The following DYNC1H1 variants were observed in gnomAD, a reference collection of about 807,000 sequenced individuals.
DYNC1H1 encodes cytoplasmic dynein 1 heavy chain 1.
In DYNC1H1, 51 loss-of-function variants were observed where a neutral mutation model predicts 527.1. The observed-to-expected ratio is 0.10, with a 90% confidence interval of 0.08 to 0.12. The LOEUF (loss-of-function observed/expected upper bound fraction) is 0.12. Among genes scored for constraint, DYNC1H1 ranks in the 10% least tolerant of loss-of-function variants. DYNC1H1 has a pLI of 1.00. For missense variants in DYNC1H1, 2,771 were observed against 5,971.8 expected (o/e 0.46, Z 17.66); for synonymous variants, 2,189 against 2,278.8 (o/e 0.96, Z 1.12).
chr14:102,009,740 T>G (rs2048237400), intron 29 of DYNC1H1, 103 bp from the exon 30 acceptor site: 6 of 1,582,958 alleles, frequency 3.8e-6, no homozygotes, highest in Non-Finnish European at 5.2e-6. Context: ...TTCAGCTCCC[T>G]GGGAGAACGA....
chr14:101,975,542 A>G (rs1204596264), intron 1 of DYNC1H1, among the ~76,000 whole-genome samples, 170 bp from the exon 2 acceptor site: 1 of 152,198 alleles, frequency 6.6e-6, no homozygotes, highest in Non-Finnish European at 1.5e-5. Flanking sequence ...TCACACAGCA[A>G]AGTCAGGAGT....
At position 102,051,132 on chromosome 14, in the gene DYNC1H1, C is replaced by CT. The variant is rs1301008253; in HGVS notation, c.*570dup. 5.2e-6 allele frequency: 1 copy of CT among 190,592 alleles called. No individual in the cohort carries two copies. The highest frequency in any genetic ancestry group is 2.4e-5 in the African/African-American group (1 of 42,196). 11.8% of individuals were successfully genotyped at this position (190,592 alleles called of 1,614,324 possible). A position where few individuals can be genotyped will look rare whatever the true frequency, so the allele number is the denominator to read the frequency against. On this transcript the variant is annotated 3_prime_UTR_variant, in exon 78 of 78. Transcript: ENST00000360184. ...TTAAATCAGGTGTGGTGGTGCATGCCTGTAGTCCCAGCTACTTGAGGGCTG... is the reference window on the plus strand; with the variant it reads ...TTAAATCAGGTGTGGTGGTGCATGCCTTGTAGTCCCAGCTACTTGAGGGCTG...
rs2048263784 is a variant in DYNC1H1, at chr14:102,011,976, A to G, written c.6720A>G (p.Ala2240=). 4 of 1,614,044 alleles carry G rather than the reference A, an allele frequency of 2.5e-6. No individual in the cohort carries two copies. Among genetic ancestry groups the G allele is most frequent in the South Asian group, 2.2e-5 (2 of 91,080 alleles). Reference sequence around the variant, plus strand: ...TGGCCTGGCGTGTCCTGCTGAAGGCATTGGAGAGACTCGAGGGTGTGGAAG... The same window carrying G: ...TGGCCTGGCGTGTCCTGCTGAAGGCGTTGGAGAGACTCGAGGGTGTGGAAG... ...KSMAWRVLLK[A]LERLEGVEGV... The change falls in exon 33 of 78, where the codon GCA becomes GCG. Residue 2240 remains alanine (A), a synonymous_variant. Transcript: ENST00000360184. The surrounding 1 kb of genome is among the most constrained non-coding windows in gnomAD (Gnocchi z 5.3).
intron 51 of DYNC1H1, among the ~76,000 whole-genome samples, chr14:102,030,986 G>GA (rs1024885215): frequency 6.6e-6 from 1 of 151,364 alleles, no homozygotes; most frequent in African/African-American, 2.4e-5. Context: ...GAAAACAAAA[G>GA]AAAAAAAAGA....
At position 102,040,373 on chromosome 14, in the gene DYNC1H1, C is replaced by T. The variant is rs759566577; in HGVS notation, c.11828C>T (p.Ala3943Val). The change falls in exon 63 of 78, where the codon GCG becomes GTG. Residue 3943 changes from alanine to valine, a missense_variant. By Grantham distance (64) the Ala-to-Val change is moderately conservative. This residue lies in a region of DYNC1H1 where 120 missense variants were observed against 161.9 expected (regional missense o/e 0.74). Coordinates refer to ENST00000360184, the MANE Select transcript of DYNC1H1 (RefSeq NM_001376.5). ...EAVVRLSCLPAFKDLIAKVQA... is the reference protein window; with the variant it reads ...EAVVRLSCLPVFKDLIAKVQA... Reference sequence around the variant, plus strand: ...GTGGTGAGGCTGAGCTGCCTTCCCGCGTTTAAGGACTTGATTGCAAAGGTT... The same window carrying T: ...GTGGTGAGGCTGAGCTGCCTTCCCGTGTTTAAGGACTTGATTGCAAAGGTT... The T allele has an allele frequency of 3.7e-6, 6 of 1,614,032 alleles. No individual in the cohort carries two copies. The highest frequency in any genetic ancestry group is 1.1e-5 in the South Asian group (1 of 91,082).
Position 102,016,237 on chromosome 14 carries a change from CTG to C in DYNC1H1, c.7474-109_7474-108del. The C allele has an allele frequency of 6.6e-7, 1 of 1,520,746 alleles. No homozygotes were observed. Among genetic ancestry groups the C allele is most frequent in the Admixed American group, 1.9e-5 (1 of 52,028 alleles). 94.2% of individuals were successfully genotyped at this position (1,520,746 alleles called of 1,614,324 possible). On this transcript the variant is annotated intron_variant, in intron 36 of 77. Transcript: ENST00000360184. The surrounding 1 kb of genome is among the most constrained non-coding windows in gnomAD (Gnocchi z 7.3). The stretch of plus-strand genomic sequence containing the variant: ...GGGCTAGGAAAGGTGCAGTGGGTGT[CTG>C]TGATGCAAGAAGACTGGGAACCACT...
chr14:101,985,220 C>T lies in DYNC1H1; in HGVS notation c.1462-467C>T, dbSNP rs1212506203. 6.6e-6 allele frequency among the ~76,000 whole-genome samples: 1 copy of T among 152,142 alleles called. No homozygotes were observed. The highest frequency in any genetic ancestry group is 2.4e-5 in the African/African-American group (1 of 41,432). On this transcript the variant is annotated intron_variant, in intron 7 of 77. Coordinates refer to ENST00000360184, the MANE Select transcript of DYNC1H1 (RefSeq NM_001376.5). This position sits in a 1 kb window ranked among gnomAD's most constrained non-coding sequence, Gnocchi z 5.9. The stretch of plus-strand genomic sequence containing the variant: ...TTAGTCTCTTTTTCAGAGAGTCCTT[C>T]TCTGTAAAACATGGATAGTAATTAC...
Position 102,012,256 on chromosome 14 carries a change from T to G in DYNC1H1, c.6858-58T>G. 1 of 1,613,736 alleles carries G rather than the reference T, an allele frequency of 6.2e-7. No individual in the cohort carries two copies. Reference sequence around the variant, plus strand: ...TTTCAGAAACCATCATCGGTAAACATGCCTAATGTTAAAATCTTGATTTAA... The same window carrying G: ...TTTCAGAAACCATCATCGGTAAACAGGCCTAATGTTAAAATCTTGATTTAA... On this transcript the variant is annotated intron_variant, in intron 33 of 77. Transcript: ENST00000360184. The surrounding 1 kb of genome is among the most constrained non-coding windows in gnomAD (Gnocchi z 4.9).
Position 101,988,814 on chromosome 14 carries a change from C to G in DYNC1H1, c.2830C>G (p.Gln944Glu). Residue 944 changes from glutamine to glutamate, a missense_variant, in exon 10 of 78, where the codon CAA (glutamine) becomes GAA (glutamate). By Grantham distance (29) the Gln-to-Glu change is conservative (BLOSUM62 2). This residue lies in a region of DYNC1H1 where 179 missense variants were observed against 349.4 expected (regional missense o/e 0.51). Coordinates refer to ENST00000360184, the MANE Select transcript of DYNC1H1 (RefSeq NM_001376.5). ...AGTTGACATGGACACAGATGCTCCACAAGTTAGTCACAAGCCTGGTGGAGA... is the reference window on the plus strand; with the variant it reads ...AGTTGACATGGACACAGATGCTCCAGAAGTTAGTCACAAGCCTGGTGGAGA... ...AEVDMDTDAPQVSHKPGGEPK... is the reference protein window; with the variant it reads ...AEVDMDTDAPEVSHKPGGEPK... 1.2e-6 allele frequency: 2 copies of G among 1,614,212 alleles called. No homozygotes were observed. The highest frequency in any genetic ancestry group is 1.7e-6 in the Non-Finnish European group (2 of 1,180,044).
chr14:102,040,097 G>A (rs1010014739), intron 62 of DYNC1H1, 139 bp from the exon 63 acceptor site: 34 of 1,186,518 alleles, frequency 2.9e-5, no homozygotes, highest in Middle Eastern at 2.8e-4. Context: ...CGCCCACCTC[G>A]GCCTCCCAGA....
chr14:102,019,799 T>C, intron 41 of DYNC1H1, 94 bp from the exon 42 acceptor site: 1 of 1,505,332 alleles, frequency 6.6e-7, no homozygotes. Flanking sequence ...CTAGGTTCTT[T>C]AATGTAAACA....
At position 102,016,354 on chromosome 14, in the gene DYNC1H1, T is replaced by C. The variant is rs770555386; in HGVS notation, c.7479T>C (p.Tyr2493=). 5.0e-6 allele frequency: 8 copies of C among 1,614,102 alleles called. No homozygotes were observed. The highest frequency in any genetic ancestry group is 1.3e-5 in the African/African-American group (1 of 74,932). ...IEQLERYIQR[Y]LVYAILWSLS... Reference sequence around the variant, plus strand: ...TTTAATTCCCTTTTTAATAGCGATATCTGGTTTATGCCATACTCTGGTCCC... The same window carrying C: ...TTTAATTCCCTTTTTAATAGCGATACCTGGTTTATGCCATACTCTGGTCCC... The change falls in exon 37 of 78, where the codon TAT becomes TAC. Residue 2493 remains tyrosine, a synonymous_variant. Coordinates refer to ENST00000360184, the MANE Select transcript of DYNC1H1 (RefSeq NM_001376.5). The surrounding 1 kb of genome is among the most constrained non-coding windows in gnomAD (Gnocchi z 7.3).
In DYNC1H1 at chr14:102,000,573, C is replaced by CTTT. The variant is rs11381677; in HGVS notation, c.4074+190_4074+192dup. The CTTT allele has an allele frequency of 3.5e-3, 1,469 of 418,630 alleles. 14 individuals carry two copies. Among genetic ancestry groups the CTTT allele is most frequent in the Admixed American group, 0.019 (475 of 25,586 alleles). The allele number at this position is 418,630 out of a possible 1,614,324, so 25.9% of individuals were successfully genotyped here. A position where few individuals can be genotyped will look rare whatever the true frequency, so the allele number is the denominator to read the frequency against. ...AATACTGTAAAACTTATTTTGAAAC[C>CTTT]TTTTTTTTTTTTTTTTTTGAGACGG... On this transcript the variant is annotated intron_variant, in intron 18 of 77. Coordinates refer to ENST00000360184, the MANE Select transcript of DYNC1H1 (RefSeq NM_001376.5).
chr14:102,010,865 C>T lies in DYNC1H1; in HGVS notation c.6531C>T (p.Ala2177=). Residue 2177 remains alanine (A), a synonymous_variant, in exon 32 of 78, where the codon GCC becomes GCT. Transcript: ENST00000360184. This position sits in a 1 kb window ranked among gnomAD's most constrained non-coding sequence, Gnocchi z 6.0. The part of the protein sequence containing the change: ...GVQYHRGEMT[A]LREELKKVCQ... ...AGTATCACAGGGGTGAGATGACTGC[C>T]CTTCGAGAGGAGCTGAAGAAAGTGT... 6.2e-7 allele frequency: 1 copy of T among 1,614,174 alleles called. No homozygotes were observed. Among genetic ancestry groups the T allele is most frequent in the Non-Finnish European group, 8.5e-7 (1 of 1,180,044 alleles).
chr14:102,003,026 A>G (rs2048149447), intron 23 of DYNC1H1, 61 bp downstream of exon 23: 5 of 1,607,674 alleles, frequency 3.1e-6, no homozygotes, highest in Non-Finnish European at 4.2e-6. Flanking sequence ...GCATTTTTCC[A>G]GTGATCTTCT....
In DYNC1H1 at chr14:101,983,680, T is replaced by G. The variant is rs17512026; in HGVS notation, c.1461+71T>G. ...TTTGTTTTTTGTTTGGTGTTTTTTT[T>G]TTGTTGTTGTTGTTGAGATGAAGTT... On this transcript the variant is annotated intron_variant, in intron 7 of 77. Coordinates refer to ENST00000360184, the MANE Select transcript of DYNC1H1 (RefSeq NM_001376.5). The surrounding 1 kb of genome is among the most constrained non-coding windows in gnomAD (Gnocchi z 5.3). 17,532 of 1,517,104 alleles carry G rather than the reference T, an allele frequency of 0.012. 490 individuals carry two copies. The highest frequency in any genetic ancestry group is 0.079 in the Admixed American group (4,022 of 50,626). The allele number at this position is 1,517,104 out of a possible 1,614,324, so 94.0% of individuals were successfully genotyped here.
chr14:101,990,750 C>T (rs1271933043), intron 10 of DYNC1H1, among the ~76,000 whole-genome samples: 1 of 152,044 alleles, frequency 6.6e-6, no homozygotes. Context: ...GTGGCTCATG[C>T]CTGTAATCCC....
chr14:101,999,469 C>T (rs933818608), intron 16 of DYNC1H1, among the ~76,000 whole-genome samples: 1 of 152,162 alleles, frequency 6.6e-6, no homozygotes, highest in Non-Finnish European at 1.5e-5. Context: ...TGATATCTTG[C>T]CTTAGTGGAA....
At position 102,004,058 on chromosome 14, in the gene DYNC1H1, G is replaced by A. The variant is rs1016901873; in HGVS notation, c.4884-460G>A. Among the ~76,000 whole-genome samples the A allele has an allele frequency of 9.2e-5, 14 of 151,944 alleles. No homozygotes were observed. In the East Asian group the frequency reaches 1.2e-3, roughly 13 times the overall value. ...AGATCGAGACCATCCTGGCTAACATGGTGAAACCCCGTCTCTACTAAAAAT... is the reference window on the plus strand; with the variant it reads ...AGATCGAGACCATCCTGGCTAACATAGTGAAACCCCGTCTCTACTAAAAAT... On this transcript the variant is annotated intron_variant, in intron 23 of 77. Transcript: ENST00000360184.
Sources: allele counts gnomAD v4.1 joint callset (sites outside exome capture counted in the v4.1 genomes callset), GRCh38; gene constraint gnomAD v4.1.1; regional missense constraint gnomAD v4.1.1; non-coding constraint Gnocchi (gnomAD v3.1); transcripts MANE v1.5; gene names NCBI Gene and HGNC (gene_info 2026-07-23, HGNC 2026-07-21).